IQCE: variants seen among roughly 807,000 people sequenced by gnomAD.
The protein encoded by IQCE is IQ motif containing E.
IQCE carries 115 observed loss-of-function variants against 96.0 expected under a neutral mutation model. That is an observed-to-expected ratio of 1.20 (90% CI 1.03 to 1.40). The LOEUF is 1.40. Among genes scored for constraint, IQCE ranks in the 40% most tolerant of loss-of-function variants. The pLI is 0.00. For synonymous variants in IQCE, 412 were observed against 371.2 expected (o/e 1.11, Z -1.26); for missense variants, 1,041 against 909.1 (o/e 1.15, Z -1.87).
chr7:2,579,189 C>G (rs76032255), intron 8 of IQCE, among the ~76,000 whole-genome samples: 2 of 152,046 alleles, frequency 1.3e-5, no homozygotes, highest in Admixed American at 6.6e-5. Context: ...TGTTGCGGTT[C>G]GGTGGTAATG....
chr7:2,593,225 C>T (rs1338250210), intron 15 of IQCE, 99 bp downstream of exon 15: 12 of 1,475,412 alleles, frequency 8.1e-6, no homozygotes, highest in Non-Finnish European at 1.0e-5. Flanking sequence ...TGCCAGCCGG[C>T]TTCTTAGAAA....
chr7:2,559,229 C>A lies in IQCE; in HGVS notation c.36+12C>A. ...CGGCCTTGGACACGGTAAGAACGGG[C>A]GAGGGGGCGACGCCGGGCGGGCGTC... On this transcript the variant is annotated intron_variant, in intron 1 of 21. Transcript: ENST00000402050. 3 of 1,206,932 alleles carry A rather than the reference C, an allele frequency of 2.5e-6. No homozygotes were observed. Among genetic ancestry groups the A allele is most frequent in the African/African-American group, 1.6e-5 (1 of 63,156 alleles). 74.8% of individuals were successfully genotyped at this position (1,206,932 alleles called of 1,614,324 possible).
intron 8 of IQCE, chr7:2,582,148 G>T (rs1026985098): frequency 3.4e-5 from 15 of 446,172 alleles, no homozygotes; most frequent in Non-Finnish European, 5.9e-5. Flanking sequence ...CCCTACGGCC[G>T]CGCTGTCTCC....
At chr7:2,574,408 C>G (rs909461787) in intron 6 of IQCE, among the ~76,000 whole-genome samples, 11 of 152,204 alleles carry the variant, frequency 7.2e-5, no homozygotes, top group Non-Finnish European at 1.0e-4. Context: ...TCTCTGTTGG[C>G]CAGAGAGAAC....
intron 1 of IQCE, among the ~76,000 whole-genome samples, chr7:2,562,196 T>G (rs893221061): frequency 2.0e-5 from 3 of 152,078 alleles, no homozygotes; most frequent in Non-Finnish European, 4.4e-5. Context: ...TTGACTGATT[T>G]TTGTATGTTA....
chr7:2,564,080 T>G (rs996122230), intron 1 of IQCE, among the ~76,000 whole-genome samples: 6 of 150,698 alleles, frequency 4.0e-5, no homozygotes, highest in Non-Finnish European at 8.9e-5. Flanking sequence ...GACATGGTGG[T>G]GCACACCTGT....
chr7:2,577,030 C>A (rs1782179462), intron 6 of IQCE, among the ~76,000 whole-genome samples: 1 of 152,136 alleles, frequency 6.6e-6, no homozygotes, highest in Admixed American at 6.5e-5. Context: ...TGGGGGACTT[C>A]CTGTCTATCC....
intron 2 of IQCE, among the ~76,000 whole-genome samples, chr7:2,567,365 T>C (rs1233793629): frequency 6.6e-6 from 1 of 152,268 alleles, no homozygotes; most frequent in Non-Finnish European, 1.5e-5. Context: ...AACTTTTATC[T>C]GGACGTGAAT....
rs953411670 is a variant in IQCE at position 2,568,848 on chromosome 7, C to T, written c.85-106C>T. 5 of 1,035,458 alleles carry T rather than the reference C, an allele frequency of 4.8e-6. No individual in the cohort carries two copies. In the African/African-American group the frequency reaches 7.9e-5, roughly 16 times the overall value. The allele number at this position is 1,035,458 out of a possible 1,614,324, so 64.1% of individuals were successfully genotyped here. On this transcript the variant is annotated intron_variant, in intron 2 of 21. Coordinates refer to ENST00000402050, the MANE Select transcript of IQCE (RefSeq NM_152558.5). ...TTACGTCCCCGTAAGCTCACGTCCTCTTGCTGCTCTTACACGACCCCTGAC... is the reference window on the plus strand; with the variant it reads ...TTACGTCCCCGTAAGCTCACGTCCTTTTGCTGCTCTTACACGACCCCTGAC...
At chr7:2,600,025 C>T (rs1383392048) in intron 17 of IQCE, among the ~76,000 whole-genome samples, 1 of 152,066 alleles carries the variant, frequency 6.6e-6, no homozygotes, top group East Asian at 1.9e-4. Context: ...AACTCCTGAC[C>T]CCAGGTGATC....
At chr7:2,579,483 C>G (rs1471530632) in intron 8 of IQCE, among the ~76,000 whole-genome samples, 1 of 151,408 alleles carries the variant, frequency 6.6e-6, no homozygotes, top group Non-Finnish European at 1.5e-5. Context: ...TTAGAAAATA[C>G]AAAAAAAACT....
intron 1 of IQCE, among the ~76,000 whole-genome samples, chr7:2,559,765 TGGGGGGG>T (rs59372092): frequency 4.0e-4 from 14 of 34,854 alleles, no homozygotes; most frequent in South Asian, 1.4e-3. Flanking sequence ...TGCATTCCAG[TGGGGGGG>T]GGGGGGGGGG....
chr7:2,605,537 G>T (rs947873169), intron 19 of IQCE, among the ~76,000 whole-genome samples: 1 of 152,068 alleles, frequency 6.6e-6, no homozygotes, highest in East Asian at 1.9e-4. Context: ...GGAGAATGGG[G>T]TGAACCCGGA....
rs999470909 is a variant in IQCE, at chr7:2,590,018, C to G, written c.1156C>G (p.Arg386Gly). The G allele has an allele frequency of 6.2e-7, 1 of 1,613,878 alleles. No individual in the cohort carries two copies. The highest frequency in any genetic ancestry group is 1.3e-5 in the African/African-American group (1 of 75,058). ...SALHRQPRGD[R>G]NKDHERLRGA... is the part of the protein sequence containing the mutation. ...GCTGCACAGACAGCCACGAGGGGAC[C>G]GCAACAAGGACCACGAGCGTCTCCG... Residue 386 changes from arginine to glycine, a missense_variant, in exon 14 of 22, where the codon CGC becomes GGC. By Grantham distance (125) the Arg-to-Gly change is moderately radical. Coordinates refer to ENST00000402050, the MANE Select transcript of IQCE (RefSeq NM_152558.5).
chr7:2,563,084 C>A (rs1781087672), intron 1 of IQCE, among the ~76,000 whole-genome samples: 1 of 152,026 alleles, frequency 6.6e-6, no homozygotes, highest in African/African-American at 2.4e-5. Context: ...TGCCACCATG[C>A]CTGGCGAATT....
rs953780948 is a variant in IQCE, at chr7:2,594,939, A to G, written c.1403A>G (p.Lys468Arg). Residue 468 changes from lysine (K) to arginine (R), a missense_variant, in exon 16 of 22, where the codon AAA (lysine) becomes AGA (arginine). By Grantham distance (26) the Lys-to-Arg change is conservative (BLOSUM62 2). Transcript: ENST00000402050. The stretch of plus-strand genomic sequence containing the variant: ...CTCCAAGAATTGCAAGAAATGAAGA[A>G]AGAAGAGAAAGAGGATTGCCCGGAA... ...SKLQELQEMKKEEKEDCPEVP... is the reference protein window; with the variant it reads ...SKLQELQEMKREEKEDCPEVP... 125 of 1,613,764 alleles carry G rather than the reference A, an allele frequency of 7.7e-5. No homozygotes were observed. Among genetic ancestry groups the G allele is most frequent in the Non-Finnish European group, 1.0e-4 (119 of 1,179,768 alleles).
chr7:2,572,661 C>CAA (rs1781843129), intron 5 of IQCE: 1 of 480,790 alleles, frequency 2.1e-6, no homozygotes, highest in Admixed American at 2.4e-5. Flanking sequence ...GATAAAAAGT[C>CAA]CAAGTCGCAC....
intron 17 of IQCE, among the ~76,000 whole-genome samples, chr7:2,600,696 C>T (rs1454027145): frequency 6.6e-6 from 1 of 152,222 alleles, no homozygotes; most frequent in Non-Finnish European, 1.5e-5. Flanking sequence ...TCAGTTCCTC[C>T]TTAATCTCCC....
intron 9 of IQCE, among the ~76,000 whole-genome samples, 167 bp from the exon 10 acceptor site, chr7:2,583,470 A>G (rs879173150): frequency 6.6e-6 from 1 of 152,060 alleles, no homozygotes; most frequent in Non-Finnish European, 1.5e-5. Flanking sequence ...GAAACGAGTC[A>G]CTTGTTCAAG....
Sources: allele counts gnomAD v4.1 joint callset (sites outside exome capture counted in the v4.1 genomes callset), GRCh38; gene constraint gnomAD v4.1.1; transcripts MANE v1.5; gene names NCBI Gene and HGNC (gene_info 2026-07-23, HGNC 2026-07-21).